ADAM9: variants seen among roughly 807,000 people sequenced by gnomAD.
ADAM9 encodes the protein ADAM metallopeptidase domain 9.
ADAM9 carries 54 observed loss-of-function variants against 108.1 expected under a neutral mutation model. The observed-to-expected ratio is 0.50, with a 90% CI of 0.40 to 0.63. The LOEUF (loss-of-function observed/expected upper bound fraction) is 0.63. Among genes scored for constraint, ADAM9 ranks in the 20% least tolerant of loss-of-function variants. The probability of loss-of-function intolerance (pLI) is 0.00; values close to 1 mark genes in which losing one functional copy is unlikely to be tolerated. For missense variants in ADAM9, 830 were observed against 997.7 expected (o/e 0.83, Z 2.26); for synonymous variants, 316 against 336.0 (o/e 0.94, Z 0.65).
chr8:39,066,091 T>C (rs528659079), intron 14 of ADAM9, among the ~76,000 whole-genome samples: 1 of 152,364 alleles, frequency 6.6e-6, no homozygotes, highest in South Asian at 2.1e-4. Context: ...TCATCCTTTT[T>C]CATGGCTGCA....
At chr8:39,071,855 T>C (rs756755046) in intron 15 of ADAM9, among the ~76,000 whole-genome samples, 3 of 152,214 alleles carry the variant, frequency 2.0e-5, no homozygotes, top group Non-Finnish European at 4.4e-5. Context: ...AATGCAAAGC[T>C]TCAGAGAGAC....
chr8:39,094,255 C>T (rs1371048782), intron 20 of ADAM9, among the ~76,000 whole-genome samples: 3 of 152,196 alleles, frequency 2.0e-5, no homozygotes, highest in East Asian at 1.9e-4. Flanking sequence ...AAACCATCCT[C>T]GCATCCCCAG....
At chr8:39,068,217 A>G (rs1838553787) in intron 14 of ADAM9, among the ~76,000 whole-genome samples, 1 of 152,168 alleles carries the variant, frequency 6.6e-6, no homozygotes, top group Admixed American at 6.5e-5. Context: ...AGGTCACTCT[A>G]GGCTCATGGG....
chr8:39,085,865 CCAT>C (rs1839165609), intron 18 of ADAM9, among the ~76,000 whole-genome samples: 1 of 151,964 alleles, frequency 6.6e-6, no homozygotes, highest in African/African-American at 2.4e-5. Context: ...AAATTTTTGG[CCAT>C]CGTTTCTTCG....
At position 39,016,091 on chromosome 8, in the gene ADAM9, G is replaced by A. The variant is rs754516385; in HGVS notation, c.334-27G>A. ...GATTTTCAGCAATGTAGCAATATTT[G>A]AAGATAATACAGTATTTTTCATTTA... On this transcript the variant is annotated intron_variant, in intron 4 of 21. Transcript: ENST00000487273. The A allele has an allele frequency of 2.5e-6, 4 of 1,593,502 alleles. No individual in the cohort carries two copies. In the South Asian group the frequency reaches 4.4e-5, roughly 18 times the overall value.
chr8:39,017,443 T>C, intron 6 of ADAM9, 29 bp downstream of exon 6: 1 of 1,597,310 alleles, frequency 6.3e-7, no homozygotes, highest in South Asian at 1.1e-5. Context: ...TCTTCATGGC[T>C]CAGACTACCA....
intron 21 of ADAM9, among the ~76,000 whole-genome samples, chr8:39,102,617 T>A (rs974775176): frequency 6.6e-6 from 1 of 152,000 alleles, no homozygotes; most frequent in African/African-American, 2.4e-5. Flanking sequence ...AAAAGCCAAG[T>A]GTAAAAGAAA....
At chr8:39,095,709 AAAGTG>A (rs1369511219) in intron 20 of ADAM9, among the ~76,000 whole-genome samples, 1 of 152,168 alleles carries the variant, frequency 6.6e-6, no homozygotes, top group Non-Finnish European at 1.5e-5. Flanking sequence ...TCTGTTGTTG[AAAGTG>A]AAGTATTGAA....
chr8:39,084,387 C>T (rs1438591023), intron 18 of ADAM9, among the ~76,000 whole-genome samples: 1 of 146,766 alleles, frequency 6.8e-6, no homozygotes, highest in Non-Finnish European at 1.5e-5. Flanking sequence ...TCCTTTAATT[C>T]AGAAATTTTG....
chr8:39,000,088 G>A (rs192821743), intron 1 of ADAM9, among the ~76,000 whole-genome samples: 14 of 148,852 alleles, frequency 9.4e-5, no homozygotes, highest in East Asian at 4.2e-4. Context: ...GCAGTGGCAC[G>A]ATCTCGGCCC....
At chr8:39,102,247 G>A (rs573024870) in intron 21 of ADAM9, among the ~76,000 whole-genome samples, 6 of 152,110 alleles carry the variant, frequency 3.9e-5, no homozygotes, top group Non-Finnish European at 5.9e-5. Flanking sequence ...CAGCCTTCCC[G>A]TCAAAAACAG....
At chr8:39,078,111 A>G (rs1250906599) in intron 16 of ADAM9, among the ~76,000 whole-genome samples, 1 of 152,144 alleles carries the variant, frequency 6.6e-6, no homozygotes, top group Non-Finnish European at 1.5e-5. Flanking sequence ...TGAAAAAGAC[A>G]GGTGGGTGGG....
intron 14 of ADAM9, among the ~76,000 whole-genome samples, chr8:39,062,324 C>T (rs1838325026): frequency 6.6e-6 from 1 of 152,188 alleles, no homozygotes; most frequent in Non-Finnish European, 1.5e-5. Flanking sequence ...TTGAGAGTTT[C>T]TGTTTCTGTA....
At chr8:39,011,635 C>T (rs769510020) in intron 2 of ADAM9, 23 bp from the exon 3 acceptor site, 18 of 1,595,660 alleles carry the variant, frequency 1.1e-5, no homozygotes, top group Admixed American at 1.7e-5. Flanking sequence ...ATGTTTTATT[C>T]TTTTCCCCTT....
At position 39,103,642 on chromosome 8, in the gene ADAM9, G is replaced by A. The variant is rs756845334; in HGVS notation, c.2402G>A (p.Gly801Glu). ...PPPQPKVSSQ[G>E]NLIPARPAPA... ...CCACAACCGAAAGTATCATCTCAGG[G>A]AAACTTAATTCCTGCCCGTCCTGCT... Residue 801 changes from glycine to glutamate, a missense_variant, in exon 22 of 22, where the codon GGA becomes GAA. Around this residue, in one of 3 missense-constraint regions of ADAM9, gnomAD observed 238 missense variants for 235.7 expected, o/e 1.01. Transcript: ENST00000487273. The A allele has an allele frequency of 1.9e-6, 3 of 1,614,034 alleles. No individual in the cohort carries two copies. Among genetic ancestry groups the A allele is most frequent in the Non-Finnish European group, 2.5e-6 (3 of 1,180,000 alleles).
intron 13 of ADAM9, among the ~76,000 whole-genome samples, chr8:39,055,356 G>A (rs1339680195): frequency 6.6e-6 from 1 of 152,068 alleles, no homozygotes; most frequent in East Asian, 1.9e-4. Flanking sequence ...TATTTAGTTT[G>A]CATTTCTTTT....
chr8:39,085,605 T>C (rs924801618), intron 18 of ADAM9, among the ~76,000 whole-genome samples: 1 of 152,166 alleles, frequency 6.6e-6, no homozygotes, highest in African/African-American at 2.4e-5. Flanking sequence ...GGCAAGGATT[T>C]TGGGTGATAG....
chr8:39,087,308 T>C (rs1415417848), intron 18 of ADAM9, among the ~76,000 whole-genome samples: 10 of 152,216 alleles, frequency 6.6e-5, no homozygotes, highest in Non-Finnish European at 1.5e-4. Context: ...TGAAAACTGT[T>C]GTTTCATATA....
At chr8:39,009,237 G>C (rs1220918400) in intron 2 of ADAM9, among the ~76,000 whole-genome samples, 2 of 152,258 alleles carry the variant, frequency 1.3e-5, no homozygotes, top group African/African-American at 2.4e-5. Flanking sequence ...TTTGAACTGG[G>C]CAGACTACCA....
Sources: allele counts gnomAD v4.1 joint callset (sites outside exome capture counted in the v4.1 genomes callset), GRCh38; gene constraint gnomAD v4.1.1; regional missense constraint gnomAD v4.1.1; transcripts MANE v1.5; gene names NCBI Gene and HGNC (gene_info 2026-07-23, HGNC 2026-07-21).